Variants in LOXHD1 observed in about 807,000 individuals in gnomAD.
The protein encoded by LOXHD1 is lipoxygenase homology PLAT domains 1, also known as lipoxygenase homology domain-containing protein 1.
LOXHD1 carries 205 observed loss-of-function variants against 248.2 expected under a neutral mutation model. The ratio of observed to expected loss-of-function variants is 0.83; its 90% CI spans 0.74 to 0.93. LOXHD1 has a LOEUF of 0.93. Ranked by LOEUF, LOXHD1 falls within the 40% of genes least tolerant of loss-of-function variation. The pLI, the probability that LOXHD1 is intolerant of heterozygous loss-of-function variation, is 0.00. For synonymous variants in LOXHD1, 1,113 were observed against 1,162.8 expected (o/e 0.96, Z 0.87); for missense variants, 2,930 against 2,971.6 (o/e 0.99, Z 0.33).
chr18:46,560,384 C>T lies in LOXHD1; in HGVS notation c.2760G>A (p.Lys920=). 1.3e-6 allele frequency: 2 copies of T among 1,552,162 alleles called. No homozygotes were observed. Among genetic ancestry groups the T allele is most frequent in the Non-Finnish European group, 8.7e-7 (1 of 1,148,008 alleles). Residue 920 remains lysine (K), a synonymous_variant, in exon 19 of 41, where the codon AAG becomes AAA. Transcript: ENST00000642948. ...PEEEARKKKE[K]DKLRQLLKKE... is the part of the protein sequence containing the mutation. ...TCTTGAGCAGCTGCCGCAGCTTGTC[C>T]TTCTCCTTCTTCTTCCGGGCCTCCT...
rs1461407070 is a variant in LOXHD1 at position 46,592,483 on chromosome 18, G to C, written c.1518+15C>G. 1 of 1,545,892 alleles carries C rather than the reference G, an allele frequency of 6.5e-7. No homozygotes were observed. The highest frequency in any genetic ancestry group is 8.8e-7 in the Non-Finnish European group (1 of 1,141,854). ...TTCCCAACAACCTCCCAAACCCCAAGATGGTGCATCTCACCCTTTCTAAAT... is the reference window on the plus strand; with the variant it reads ...TTCCCAACAACCTCCCAAACCCCAACATGGTGCATCTCACCCTTTCTAAAT... On this transcript the variant is annotated intron_variant, in intron 11 of 40. Coordinates refer to ENST00000642948, the MANE Select transcript of LOXHD1 (RefSeq NM_001384474.1).
chr18:46,560,764 G>A (rs1448245432), intron 18 of LOXHD1, among the ~76,000 whole-genome samples: 1 of 152,136 alleles, frequency 6.6e-6, no homozygotes, highest in African/African-American at 2.4e-5. Context: ...CTCCAACAAA[G>A]TTTATTTCTT....
intron 1 of LOXHD1, among the ~76,000 whole-genome samples, chr18:46,650,047 T>C (rs904857580): frequency 1.3e-5 from 2 of 151,994 alleles, no homozygotes; most frequent in Non-Finnish European, 2.9e-5. Flanking sequence ...ACTCCTGGAA[T>C]CACAGCACAG....
chr18:46,555,650 C>T (rs1347448553), intron 21 of LOXHD1, among the ~76,000 whole-genome samples: 1 of 152,178 alleles, frequency 6.6e-6, no homozygotes, highest in Non-Finnish European at 1.5e-5. Flanking sequence ...CCAAAGCCCA[C>T]TCAGGATCAC....
At position 46,546,932 on chromosome 18, in the gene LOXHD1, G is replaced by T. The variant is rs2143822298; in HGVS notation, c.3477C>A (p.Asp1159Glu). ...GGGCCAGGTTGTCGAGGGGGTTGTT[G>T]TCACCGCCTCCCCTACCCTCCTCGC... The part of the protein sequence containing the change: ...PQSEEGRGGG[D>E]NNPLDNLALE... Residue 1159 changes from aspartate to glutamate, a missense_variant, in exon 22 of 41, where the codon GAC (aspartate) becomes GAA (glutamate). Transcript: ENST00000642948. 6.4e-7 allele frequency: 1 copy of T among 1,551,542 alleles called. No homozygotes were observed. The highest frequency in any genetic ancestry group is 8.7e-7 in the Non-Finnish European group (1 of 1,146,862).
chr18:46,594,242 C>T, intron 9 of LOXHD1, 89 bp downstream of exon 9: 1 of 1,487,794 alleles, frequency 6.7e-7, no homozygotes. Context: ...GAGTGGACTG[C>T]CCTCATAGCT....
intron 6 of LOXHD1, among the ~76,000 whole-genome samples, chr18:46,605,124 C>A (rs2038393290): frequency 1.3e-5 from 2 of 152,168 alleles, no homozygotes; most frequent in African/African-American, 4.8e-5. Context: ...AAAACAAAAG[C>A]ATTAGAACAA....
Position 46,563,128 on chromosome 18 carries a change from T to C in LOXHD1, c.2535A>G (p.Thr845=). 1 of 1,546,860 alleles carries C rather than the reference T, an allele frequency of 6.5e-7. No homozygotes were observed. The highest frequency in any genetic ancestry group is 8.8e-7 in the Non-Finnish European group (1 of 1,142,850). ...AGCGGCTGGAGAGGAAGAGCACTTC[T>C]GTCTTGCCTTTCTCTCCATAGATCT... ...YMQIYGEKGK[T]EVLFLSSRSK... is the part of the protein sequence containing the mutation. The change falls in exon 18 of 41, where the codon ACA becomes ACG. Residue 845 remains threonine, a synonymous_variant. Transcript: ENST00000642948.
In LOXHD1 at chr18:46,560,513, C is replaced by G. The variant is rs763518039; in HGVS notation, c.2631G>C (p.Lys877Asn). ...LEAADVGEVY[K>N]LRLGHTGEGF... is the part of the protein sequence containing the mutation. ...CCTCGCCCGTGTGCCCGAGCCGGAG[C>G]TTATAGACCTCGCCCACGTCGGCCG... is the stretch of plus-strand genomic sequence containing the variant. Residue 877 changes from lysine (K) to asparagine (N), a missense_variant, in exon 19 of 41, where the codon AAG becomes AAC. Coordinates refer to ENST00000642948, the MANE Select transcript of LOXHD1 (RefSeq NM_001384474.1). 2.0e-6 allele frequency: 3 copies of G among 1,534,942 alleles called. No homozygotes were observed. The highest frequency in any genetic ancestry group is 2.4e-5 in the South Asian group (2 of 83,992).
At chr18:46,645,157 C>T (rs376191056) in intron 2 of LOXHD1, among the ~76,000 whole-genome samples, 41 of 152,354 alleles carry the variant, frequency 2.7e-4, no homozygotes, top group African/African-American at 9.4e-4. Context: ...GAAATCCTCA[C>T]ATCTGGATTG....
chr18:46,655,895 G>C (rs1249861592), intron 1 of LOXHD1, among the ~76,000 whole-genome samples: 2 of 152,228 alleles, frequency 1.3e-5, no homozygotes, highest in African/African-American at 4.8e-5. Flanking sequence ...TGGTGGACTG[G>C]AATCAAGGAG....
chr18:46,628,803 T>C (rs1377357835), intron 4 of LOXHD1, among the ~76,000 whole-genome samples: 2 of 152,336 alleles, frequency 1.3e-5, no homozygotes, highest in Non-Finnish European at 1.5e-5. Context: ...TCCTGTATGC[T>C]CATTTCCCCA....
In LOXHD1 at chr18:46,499,965, A is replaced by G. The variant is rs77916130; in HGVS notation, c.5878+5873T>C. ...ATGGAGTAGGGAATTGACACACCAC[A>G]TCTTGGGATTTCATGGCCAGTGAAC... On this transcript the variant is annotated intron_variant, in intron 37 of 40. Coordinates refer to ENST00000642948, the MANE Select transcript of LOXHD1 (RefSeq NM_001384474.1). 8.9e-4 allele frequency among the ~76,000 whole-genome samples: 135 copies of G among 152,300 alleles called. No homozygotes were observed. In the East Asian group the frequency reaches 0.023, roughly 26 times the overall value.
intron 26 of LOXHD1, among the ~76,000 whole-genome samples, chr18:46,535,763 G>A (rs1463752464): frequency 6.6e-6 from 1 of 152,140 alleles, no homozygotes; most frequent in Admixed American, 6.5e-5. Context: ...TAGAGACAGG[G>A]TTTCACCATG....
chr18:46,628,474 C>T (rs981487282), intron 4 of LOXHD1, among the ~76,000 whole-genome samples: 1 of 152,158 alleles, frequency 6.6e-6, no homozygotes, highest in Admixed American at 6.5e-5. Context: ...CTCAGAGAGC[C>T]CTGGAGAGTG....
At chr18:46,484,078 G>A (rs996867717) in intron 39 of LOXHD1, among the ~76,000 whole-genome samples, 5 of 152,130 alleles carry the variant, frequency 3.3e-5, no homozygotes, top group Admixed American at 3.3e-4. Flanking sequence ...TCTTAGCAAA[G>A]TCATAGGTGG....
chr18:46,607,491 A>G (rs905433228), intron 6 of LOXHD1, among the ~76,000 whole-genome samples: 1 of 148,422 alleles, frequency 6.7e-6, no homozygotes, highest in Non-Finnish European at 1.5e-5. Flanking sequence ...GTGATAAGTG[A>G]TATATATATA....
At chr18:46,625,364 G>T (rs891041214) in intron 4 of LOXHD1, among the ~76,000 whole-genome samples, 2 of 152,078 alleles carry the variant, frequency 1.3e-5, no homozygotes, top group African/African-American at 4.8e-5. Context: ...GTTGCTCATG[G>T]GCAGAAATCA....
intron 4 of LOXHD1, among the ~76,000 whole-genome samples, chr18:46,635,365 G>A (rs1012910488): frequency 6.6e-6 from 1 of 152,192 alleles, no homozygotes; most frequent in Non-Finnish European, 1.5e-5. Context: ...CACAGGCTCT[G>A]ACCTCTTAGG....
Sources: gnomAD v4.1 joint callset for allele counts (sites outside exome capture counted in the v4.1 genomes callset) on GRCh38, gnomAD v4.1.1 for gene constraint, MANE v1.5 for transcripts, NCBI Gene and HGNC (gene_info 2026-07-23, HGNC 2026-07-21) for gene names.